The following OPCML variants were observed in gnomAD, a reference collection of about 807,000 sequenced individuals.
OPCML encodes the protein opioid-binding protein/cell adhesion molecule.
OPCML carries 13 observed loss-of-function variants against 37.8 expected under a neutral mutation model. That is an observed-to-expected ratio of 0.34 (90% CI 0.22 to 0.55). The LOEUF (loss-of-function observed/expected upper bound fraction) is 0.55, where lower values mean the gene tolerates loss of function less well. Ranked by LOEUF, OPCML falls within the 20% of genes least tolerant of loss-of-function variation. The probability of loss-of-function intolerance (pLI) is 0.91; values close to 1 mark genes in which losing one functional copy is unlikely to be tolerated. For missense variants in OPCML, 341 were observed against 435.6 expected, an observed-to-expected ratio of 0.78 and a Z score of 1.93; for synonymous variants, 176 against 168.8, an observed-to-expected ratio of 1.04 and a Z score of -0.33.
rs1373144020 is a variant in OPCML at position 132,462,594 on chromosome 11, T to C, written c.506-25235A>G. 2.6e-5 allele frequency among the ~76,000 whole-genome samples: 4 copies of C among 152,208 alleles called. No homozygotes were observed. In the South Asian group the frequency reaches 6.2e-4, roughly 24 times the overall value. On this transcript the variant is annotated intron_variant, in intron 4 of 7. Transcript: ENST00000524381. ...GTTTGCTTCCTGGCTAGAGTCTCCTTGGTAAGGCTCTTAGAGCAGGTTCCT... is the reference window on the plus strand; with the variant it reads ...GTTTGCTTCCTGGCTAGAGTCTCCTCGGTAAGGCTCTTAGAGCAGGTTCCT...
At chr11:133,314,006 C>T (rs551698230) in intron 1 of OPCML, among the ~76,000 whole-genome samples, 3 of 151,798 alleles carry the variant, frequency 2.0e-5, no homozygotes, top group African/African-American at 4.8e-5. Context: ...GAGGCCGAGG[C>T]GGGCGGATCA....
intron 2 of OPCML, among the ~76,000 whole-genome samples, chr11:132,842,756 A>T (rs2659610): frequency 6.6e-6 from 1 of 151,968 alleles, no homozygotes; most frequent in Non-Finnish European, 1.5e-5. Context: ...TGCCAAAGCC[A>T]CCTGTACAAG....
intron 2 of OPCML, among the ~76,000 whole-genome samples, chr11:132,761,074 T>A (rs1470812272): frequency 1.3e-5 from 2 of 152,118 alleles, no homozygotes; most frequent in African/African-American, 4.8e-5. Context: ...TTTGGTGGGA[T>A]ATGAAATTCT....
At chr11:132,894,265 C>T (rs1359824187) in intron 2 of OPCML, among the ~76,000 whole-genome samples, 1 of 152,182 alleles carries the variant, frequency 6.6e-6, no homozygotes, top group Non-Finnish European at 1.5e-5. Flanking sequence ...TTTCCTCCTT[C>T]TTGAAATAGT....
chr11:133,298,140 C>G (rs896811880), intron 1 of OPCML: 1 of 152,122 alleles, frequency 6.6e-6, no homozygotes, highest in Admixed American at 6.6e-5. Context: ...TCAGCTTGCT[C>G]AAAATCACAC....
chr11:132,612,221 C>T (rs1042030864), intron 3 of OPCML, among the ~76,000 whole-genome samples: 2 of 152,132 alleles, frequency 1.3e-5, no homozygotes, highest in Admixed American at 6.5e-5. Context: ...CAAGTGTTGT[C>T]CACATCCAAA....
At chr11:132,552,541 C>G (rs1229644807) in intron 3 of OPCML, among the ~76,000 whole-genome samples, 1 of 152,086 alleles carries the variant, frequency 6.6e-6, no homozygotes, top group Non-Finnish European at 1.5e-5. Flanking sequence ...ACAAATAATG[C>G]CATCACCCAA....
At chr11:132,664,404 T>C (rs961487906) in intron 2 of OPCML, among the ~76,000 whole-genome samples, 24 of 152,190 alleles carry the variant, frequency 1.6e-4, no homozygotes, top group African/African-American at 5.5e-4. Context: ...AATGCATTTC[T>C]CTGAATTTAC....
At chr11:133,435,950 G>C (rs1478033521) in intron 1 of OPCML, among the ~76,000 whole-genome samples, 1 of 152,162 alleles carries the variant, frequency 6.6e-6, no homozygotes, top group African/African-American at 2.4e-5. Context: ...AGCCTGTATA[G>C]TTCCTTTAAA....
At chr11:132,844,512 C>A (rs1941437170) in intron 2 of OPCML, among the ~76,000 whole-genome samples, 1 of 151,988 alleles carries the variant, frequency 6.6e-6, no homozygotes, top group South Asian at 2.1e-4. Flanking sequence ...TCAAGAAGAT[C>A]CCTACAAAAA....
chr11:133,412,706 T>C (rs1447386769), intron 1 of OPCML, among the ~76,000 whole-genome samples: 2 of 152,200 alleles, frequency 1.3e-5, no homozygotes, highest in Non-Finnish European at 1.5e-5. Context: ...TTGTAGTTTG[T>C]CACTGCTTTA....
intron 4 of OPCML, among the ~76,000 whole-genome samples, chr11:132,478,691 A>G (rs1489279775): frequency 1.3e-5 from 2 of 152,228 alleles, no homozygotes; most frequent in Non-Finnish European, 2.9e-5. Flanking sequence ...CTTTATCATC[A>G]AGATAATACT....
chr11:132,741,696 G>A (rs148747840), intron 2 of OPCML, among the ~76,000 whole-genome samples: 6 of 152,056 alleles, frequency 3.9e-5, no homozygotes, highest in East Asian at 1.9e-4. Context: ...ATATATTTTC[G>A]ATATTCATTC....
chr11:133,430,795 C>T (rs1946100009), intron 1 of OPCML, among the ~76,000 whole-genome samples: 1 of 152,124 alleles, frequency 6.6e-6, no homozygotes, highest in South Asian at 2.1e-4. Context: ...ACAATACAAT[C>T]ACAATAAAAT....
intron 1 of OPCML, among the ~76,000 whole-genome samples, chr11:133,501,994 C>T (rs991189449): frequency 6.6e-6 from 1 of 152,080 alleles, no homozygotes; most frequent in Non-Finnish European, 1.5e-5. Flanking sequence ...TGCCTCCTAC[C>T]CATTCCCCCA....
At chr11:133,256,032 C>T (rs1282371245) in intron 1 of OPCML, among the ~76,000 whole-genome samples, 1 of 152,162 alleles carries the variant, frequency 6.6e-6, no homozygotes, top group African/African-American at 2.4e-5. Context: ...ATTTTTGCTA[C>T]AAAGGCGGCT....
At chr11:132,636,142 C>A (rs939312520) in intron 3 of OPCML, among the ~76,000 whole-genome samples, 32 of 151,944 alleles carry the variant, frequency 2.1e-4, no homozygotes, top group Non-Finnish European at 3.7e-4. Context: ...GATGTAAGTG[C>A]TTTTATTATT....
rs183285669 is a variant in OPCML, at chr11:133,087,051, G to A, written c.62-144041C>T. ...ACATCAAACATCTTAGCACTGAGAG[G>A]AGCATTTGAGATCATCGAGTTCAAA... On this transcript the variant is annotated intron_variant, in intron 1 of 7. Transcript: ENST00000524381. Among the ~76,000 whole-genome samples, 257 of 152,220 alleles carry A rather than the reference G, an allele frequency of 1.7e-3. 3 individuals are homozygous for A. The South Asian group carries it at 0.024, about 14-fold the overall frequency.
At chr11:133,204,876 A>G (rs1206378901) in intron 1 of OPCML, among the ~76,000 whole-genome samples, 6,256 of 29,756 alleles carry the variant, frequency 0.21, 219 homozygotes, top group Admixed American at 0.32. Context: ...GTGTATATAT[A>G]TATATATATA....
Sources: gnomAD v4.1 joint callset for allele counts (sites outside exome capture counted in the v4.1 genomes callset) on GRCh38, gnomAD v4.1.1 for gene constraint, MANE v1.5 for transcripts, NCBI Gene and HGNC (gene_info 2026-07-23, HGNC 2026-07-21) for gene names.